ACCSL: variants seen among roughly 807,000 people sequenced by gnomAD.
The protein encoded by ACCSL is 1-aminocyclopropane-1-carboxylate synthase homolog (inactive) like, also known as probable inactive 1-aminocyclopropane-1-carboxylate synthase-like protein 2.
Under a neutral mutation model 61.7 loss-of-function variants are expected in ACCSL, and 55 were observed. The observed-to-expected ratio is 0.89, with a 90% CI of 0.72 to 1.12. The LOEUF (loss-of-function observed/expected upper bound fraction) is 1.12, where lower values mean the gene tolerates loss of function less well. Ranked by LOEUF, ACCSL falls within the 50% of genes most tolerant of loss-of-function variation. The probability of loss-of-function intolerance (pLI) is 0.00; values close to 1 mark genes in which losing one functional copy is unlikely to be tolerated. For synonymous variants in ACCSL, 258 were observed against 264.3 expected (o/e 0.98, Z 0.23); for missense variants, 632 against 698.0 (o/e 0.91, Z 1.07).
the ACCSL span, among the ~76,000 whole-genome samples, chr11:43,992,906 G>A: frequency 0.57 from 86,585 of 151,902 alleles, 25,779 homozygotes; most frequent in African/African-American, 0.76. Flanking sequence ...GTAATTTGGG[G>A]AGCCTAGCTC....
the ACCSL span, among the ~76,000 whole-genome samples, chr11:44,038,296 G>A: frequency 6.6e-6 from 1 of 152,122 alleles, no homozygotes; most frequent in African/African-American, 2.4e-5. Flanking sequence ...TAGCCCAGAC[G>A]CTGGATTCAT....
the ACCSL span, among the ~76,000 whole-genome samples, chr11:43,933,670 C>T: frequency 2.0e-5 from 3 of 152,306 alleles, no homozygotes; most frequent in Middle Eastern, 3.4e-3. Context: ...GTGGGTGAAG[C>T]TGTGCCGGAA....
chr11:44,023,761 T>C, the ACCSL span, among the ~76,000 whole-genome samples: 2 of 152,174 alleles, frequency 1.3e-5, no homozygotes, highest in Non-Finnish European at 2.9e-5. Flanking sequence ...GAGAGCTTTC[T>C]TTTTTAAAAA....
chr11:44,051,573 CA>C, intron 4 of ACCSL, 79 bp from the exon 5 acceptor site: 1 of 1,587,072 alleles, frequency 6.3e-7, no homozygotes, highest in Non-Finnish European at 8.7e-7. Flanking sequence ...CTGTTCTGCC[CA>C]GGGGGATGGA....
At chr11:43,957,549 A>G in the ACCSL span, among the ~76,000 whole-genome samples, 1 of 152,208 alleles carries the variant, frequency 6.6e-6, no homozygotes, top group East Asian at 1.9e-4. Flanking sequence ...CTCTCTGGAA[A>G]AGACCTAGGA....
chr11:44,054,531 A>G (rs1952659408), intron 8 of ACCSL, among the ~76,000 whole-genome samples: 1 of 150,598 alleles, frequency 6.6e-6, no homozygotes, highest in Non-Finnish European at 1.5e-5. Context: ...ATCTCAGCTC[A>G]CTGCAACATT....
At chr11:43,929,275 A>T in the ACCSL span, among the ~76,000 whole-genome samples, 1 of 152,160 alleles carries the variant, frequency 6.6e-6, no homozygotes, top group Admixed American at 6.5e-5. Context: ...GGCTGGAGTC[A>T]TTGGCACAGT....
the ACCSL span, among the ~76,000 whole-genome samples, chr11:44,011,267 G>T: frequency 2.0e-5 from 3 of 152,140 alleles, no homozygotes; most frequent in Non-Finnish European, 4.4e-5. Flanking sequence ...AGCCAGTGAG[G>T]CCAGAAACCC....
At chr11:44,003,169 A>T in the ACCSL span, among the ~76,000 whole-genome samples, 20 of 152,234 alleles carry the variant, frequency 1.3e-4, no homozygotes, top group African/African-American at 4.6e-4. Context: ...GAGAAAAATT[A>T]TGTTAAAAAT....
chr11:44,058,520 C>T, intron 12 of ACCSL, 26 bp from the exon 13 acceptor site: 1 of 1,613,804 alleles, frequency 6.2e-7, no homozygotes, highest in Non-Finnish European at 8.5e-7. Context: ...GTCTTGGGCT[C>T]AGTTCTGTTC....
At chr11:43,975,119 A>C in the ACCSL span, among the ~76,000 whole-genome samples, 2 of 152,182 alleles carry the variant, frequency 1.3e-5, no homozygotes, top group East Asian at 3.8e-4. Flanking sequence ...GTTAGTGACA[A>C]TCTAAATGTT....
the ACCSL span, among the ~76,000 whole-genome samples, chr11:43,927,555 C>T: frequency 2.6e-5 from 4 of 152,256 alleles, no homozygotes; most frequent in Non-Finnish European, 4.4e-5. Context: ...AACGGAGGCA[C>T]AGCTCTTCCA....
chr11:43,968,372 A>C, the ACCSL span, among the ~76,000 whole-genome samples: 2 of 149,722 alleles, frequency 1.3e-5, no homozygotes, highest in Non-Finnish European at 1.5e-5. Flanking sequence ...TTGCCCCCCA[A>C]CCCCCGCAAG....
At chr11:43,992,109 A>G in the ACCSL span, among the ~76,000 whole-genome samples, 1 of 137,174 alleles carries the variant, frequency 7.3e-6, no homozygotes, top group East Asian at 2.1e-4. Flanking sequence ...TGGAGTGCAG[A>G]GGCGTGATCA....
the ACCSL span, among the ~76,000 whole-genome samples, chr11:44,021,485 TTTGTTTGAGTTCC>T: frequency 6.6e-6 from 1 of 152,330 alleles, no homozygotes; most frequent in East Asian, 1.9e-4. Context: ...TTCTTGCTGA[TTTGTTTGAGTTCC>T]TTGTAGCTTC....
the ACCSL span, among the ~76,000 whole-genome samples, chr11:43,999,919 A>G: frequency 2.6e-5 from 4 of 152,318 alleles, no homozygotes; most frequent in South Asian, 8.3e-4. Context: ...CCAATACAGT[A>G]TAATAATTAT....
chr11:43,973,625 G>A, the ACCSL span, among the ~76,000 whole-genome samples: 4 of 152,086 alleles, frequency 2.6e-5, no homozygotes, highest in African/African-American at 9.7e-5. Flanking sequence ...TAATATACAA[G>A]GGACCTTCCA....
At chr11:43,967,793 C>T in the ACCSL span, among the ~76,000 whole-genome samples, 1 of 152,250 alleles carries the variant, frequency 6.6e-6, no homozygotes, top group South Asian at 2.1e-4. Flanking sequence ...TTTTCATGCC[C>T]AGCTATTGGT....
chr11:43,971,284 CA>C, the ACCSL span, among the ~76,000 whole-genome samples: 14 of 137,634 alleles, frequency 1.0e-4, no homozygotes, highest in East Asian at 2.1e-4. Context: ...GACTCTGTCT[CA>C]AAAAAAAAAA....
Sources: gnomAD v4.1 joint callset for allele counts (sites outside exome capture counted in the v4.1 genomes callset) on GRCh38, gnomAD v4.1.1 for gene constraint, MANE v1.5 for transcripts, NCBI Gene and HGNC (gene_info 2026-07-23, HGNC 2026-07-21) for gene names.